Variants in RFX8 observed in about 807,000 individuals in gnomAD.
The protein encoded by RFX8 is DNA-binding protein RFX8.
In RFX8, 46 loss-of-function variants were observed where a neutral mutation model predicts 54.6. The ratio of observed to expected loss-of-function variants is 0.84; its 90% confidence interval spans 0.67 to 1.08. RFX8 has a LOEUF of 1.08. Ranked by LOEUF, RFX8 falls within the 50% of genes least tolerant of loss-of-function variation. The pLI is 0.00. For synonymous variants in RFX8, 192 were observed against 209.5 expected, an observed-to-expected ratio of 0.92 and a Z score of 0.72; for missense variants, 536 against 562.3, an observed-to-expected ratio of 0.95 and a Z score of 0.47.
chr2:101,446,223 T>C (rs1688367533), intron 2 of RFX8, among the ~76,000 whole-genome samples: 1 of 152,222 alleles, frequency 6.6e-6, no homozygotes, highest in South Asian at 2.1e-4. Flanking sequence ...TCACCCAGGC[T>C]GGAGTGCAGT....
chr2:101,455,210 A>G (rs1688903224), intron 2 of RFX8, among the ~76,000 whole-genome samples: 1 of 151,892 alleles, frequency 6.6e-6, no homozygotes, highest in Non-Finnish European at 1.5e-5. Context: ...ACGGGGTTTC[A>G]CTATGTTGGC....
In RFX8 at chr2:101,469,084, ATATATATAAG is replaced by A. The variant is rs1325811755; in HGVS notation, c.-52-2194_-52-2185del. 1.2e-3 allele frequency among the ~76,000 whole-genome samples: 60 copies of A among 52,154 alleles called. 2 individuals are homozygous for A. The highest frequency in any genetic ancestry group is 7.5e-3 in the South Asian group (13 of 1,736). 34.2% of individuals were successfully genotyped at this position (52,154 alleles called of 152,430 possible). A position where few individuals can be genotyped will look rare whatever the true frequency, so the allele number is the denominator to read the frequency against. On this transcript the variant is annotated intron_variant, in intron 1 of 11. Transcript: ENST00000428343. ...TATATATGTATATATATATAAGTGT[ATATATATAAG>A]TATATATATATAAGTGTATATATAT...
At chr2:101,432,275 A>G (rs1032135950) in intron 2 of RFX8, among the ~76,000 whole-genome samples, 1 of 152,078 alleles carries the variant, frequency 6.6e-6, no homozygotes, top group African/African-American at 2.4e-5. Context: ...GTGACAGGGG[A>G]TTAGGAGGCA....
rs919133246 is a variant in RFX8, at chr2:101,402,536, A to AC, written c.1144dup (p.Val382GlyfsTer34). 6.4e-7 allele frequency: 1 copy of AC among 1,551,350 alleles called. No individual in the cohort carries two copies. Among genetic ancestry groups the AC allele is most frequent in the African/African-American group, 1.4e-5 (1 of 72,944 alleles). On this transcript the variant is annotated frameshift_variant, in exon 11 of 12. Transcript: ENST00000428343. LOFTEE classifies it high-confidence loss of function. The stretch of plus-strand genomic sequence containing the variant: ...GCCCTGGCCCATGTGTGTGGGCATC[A>AC]CCCCCAGTGGCTCCATGCTGGGGCT...
intron 9 of RFX8, 91 bp from the exon 10 acceptor site, chr2:101,406,148 C>T (rs550336686): frequency 3.7e-5 from 25 of 684,196 alleles, no homozygotes; most frequent in African/African-American, 1.5e-4. Context: ...GTCATGCACA[C>T]GCATTTTTAA....
chr2:101,461,164 G>A (rs1004942878), intron 2 of RFX8, among the ~76,000 whole-genome samples: 1 of 149,610 alleles, frequency 6.7e-6, no homozygotes, highest in Admixed American at 6.7e-5. Flanking sequence ...AGCTACTCCA[G>A]AGGCTGGAGA....
chr2:101,436,166 TA>T (rs1558867774), intron 2 of RFX8, among the ~76,000 whole-genome samples: 1 of 152,162 alleles, frequency 6.6e-6, no homozygotes, highest in Admixed American at 6.5e-5. Context: ...TTACAGGGCT[TA>T]GGGGGCAATA....
chr2:101,407,688 T>C lies in RFX8; in HGVS notation c.814-1631A>G, dbSNP rs148906282. 2.5e-3 allele frequency among the ~76,000 whole-genome samples: 371 copies of C among 151,394 alleles called. 9 individuals are homozygous for C. In the East Asian group the frequency reaches 0.069, roughly 28 times the overall value. ...GCCTGGGTGACAGAGCAAGACTCCA[T>C]CTCAATTAAAAAAAAAAACAAAACA... is the stretch of plus-strand genomic sequence containing the variant. On this transcript the variant is annotated intron_variant, in intron 9 of 11. Coordinates refer to ENST00000428343, the MANE Select transcript of RFX8 (RefSeq NM_001145664.2).
intron 2 of RFX8, among the ~76,000 whole-genome samples, chr2:101,456,301 G>A (rs1254430506): frequency 1.3e-5 from 2 of 152,296 alleles, no homozygotes; most frequent in African/African-American, 2.4e-5. Flanking sequence ...GCTTTTCAAA[G>A]GGAATGCTTC....
At chr2:101,429,559 T>C (rs890162761) in intron 2 of RFX8, among the ~76,000 whole-genome samples, 1 of 152,124 alleles carries the variant, frequency 6.6e-6, no homozygotes, top group African/African-American at 2.4e-5. Context: ...CATTTTTTCT[T>C]TAATCATGGG....
At chr2:101,399,685 A>G (rs1043517820) in intron 11 of RFX8, among the ~76,000 whole-genome samples, 1 of 152,226 alleles carries the variant, frequency 6.6e-6, no homozygotes, top group African/African-American at 2.4e-5. Flanking sequence ...GCATTTTACA[A>G]CAATTAACTC....
chr2:101,444,842 G>A (rs1191194542), intron 2 of RFX8, among the ~76,000 whole-genome samples: 2 of 152,160 alleles, frequency 1.3e-5, no homozygotes, highest in South Asian at 2.1e-4. Flanking sequence ...GCCAGATGCT[G>A]CACTAAGCAT....
intron 1 of RFX8, chr2:101,474,287 G>C (rs1690183465): frequency 1.8e-6 from 1 of 545,174 alleles, no homozygotes; most frequent in South Asian, 2.3e-5. Flanking sequence ...GCTCGGCCCC[G>C]GGCCTGCAGC....
intron 2 of RFX8, among the ~76,000 whole-genome samples, chr2:101,441,274 T>G (rs927472679): frequency 2.6e-5 from 4 of 152,182 alleles, no homozygotes; most frequent in African/African-American, 9.7e-5. Flanking sequence ...CCAGCCCTTG[T>G]GTTGAAATTT....
intron 9 of RFX8, among the ~76,000 whole-genome samples, chr2:101,408,764 A>AGCT (rs1041444814): frequency 2.0e-5 from 3 of 152,242 alleles, no homozygotes; most frequent in Non-Finnish European, 4.4e-5. Context: ...CTGGCTTTCC[A>AGCT]GCTCCTTCCT....
intron 2 of RFX8, among the ~76,000 whole-genome samples, chr2:101,428,101 C>A (rs1268329088): frequency 2.0e-5 from 3 of 152,092 alleles, no homozygotes; most frequent in Non-Finnish European, 4.4e-5. Context: ...CGAGACCAGC[C>A]TGGCCAACTT....
chr2:101,468,003 G>T (rs1689675298), intron 1 of RFX8, among the ~76,000 whole-genome samples: 1 of 152,110 alleles, frequency 6.6e-6, no homozygotes, highest in South Asian at 2.1e-4. Flanking sequence ...TGCTCTAGAT[G>T]GGTATATGGG....
intron 1 of RFX8, among the ~76,000 whole-genome samples, 168 bp from the exon 2 acceptor site, chr2:101,467,068 C>T (rs915319071): frequency 5.3e-5 from 8 of 152,196 alleles, no homozygotes; most frequent in African/African-American, 9.6e-5. Context: ...ACTATGTACC[C>T]GTTTGTCCTT....
At chr2:101,472,918 A>G (rs2149004411) in intron 1 of RFX8, among the ~76,000 whole-genome samples, 2 of 152,178 alleles carry the variant, frequency 1.3e-5, no homozygotes, top group African/African-American at 4.8e-5. Context: ...CTACGGAAGG[A>G]TAAGGCAGGA....
Sources: gnomAD v4.1 joint callset for allele counts (sites outside exome capture counted in the v4.1 genomes callset) on GRCh38, gnomAD v4.1.1 for gene constraint, MANE v1.5 for transcripts, NCBI Gene and HGNC (gene_info 2026-07-23, HGNC 2026-07-21) for gene names.